CUL1: variants seen among roughly 807,000 people sequenced by gnomAD.
CUL1 encodes the protein cullin-1.
A neutral mutation model predicts 118.0 loss-of-function variants in CUL1; 24 were observed. The ratio of observed to expected loss-of-function variants is 0.20; its 90% CI spans 0.15 to 0.29. CUL1 has a LOEUF of 0.29. Among genes scored for constraint, CUL1 ranks in the 10% least tolerant of loss-of-function variants. The pLI, the probability that CUL1 is intolerant of heterozygous loss-of-function variation, is 1.00. For synonymous variants in CUL1, 332 were observed against 340.4 expected (o/e 0.98, Z 0.27); for missense variants, 361 against 933.8 (o/e 0.39, Z 7.99).
At chr7:148,745,150 A>G (rs1157668479) in intron 2 of CUL1, among the ~76,000 whole-genome samples, 2 of 152,018 alleles carry the variant, frequency 1.3e-5, no homozygotes, top group East Asian at 3.8e-4. Context: ...CCATCCAATG[A>G]GTAATTTATT....
chr7:148,721,902 CA>C (rs1563150032), intron 1 of CUL1, among the ~76,000 whole-genome samples: 1 of 152,114 alleles, frequency 6.6e-6, no homozygotes, highest in African/African-American at 2.4e-5. Flanking sequence ...AACAGTGCAG[CA>C]AATGCATGTG....
At chr7:148,769,449 A>ACACACACACAC (rs1554471386) in intron 9 of CUL1, among the ~76,000 whole-genome samples, 5 of 132,546 alleles carry the variant, frequency 3.8e-5, no homozygotes, top group South Asian at 2.4e-4. Context: ...ACACACACAC[A>ACACACACACAC]AAACGCTCAC....
intron 2 of CUL1, among the ~76,000 whole-genome samples, chr7:148,731,130 A>C (rs1240077414): frequency 1.3e-5 from 2 of 152,216 alleles, no homozygotes; most frequent in Non-Finnish European, 2.9e-5. Context: ...CACAAAGGTG[A>C]TGAGGGTGGA....
intron 16 of CUL1, 112 bp downstream of exon 16, chr7:148,790,553 G>A: frequency 1.1e-6 from 1 of 906,486 alleles, no homozygotes; most frequent in Admixed American, 2.6e-5. Context: ...AGCTTCTGGT[G>A]AAATAGTGGC....
intron 2 of CUL1, among the ~76,000 whole-genome samples, chr7:148,740,978 T>C (rs896419209): frequency 6.6e-6 from 1 of 152,238 alleles, no homozygotes; most frequent in Non-Finnish European, 1.5e-5. Context: ...GTCTGGTATT[T>C]TGTTATGGCA....
At chr7:148,797,779 C>A (rs569974285) in intron 17 of CUL1, 33 bp from the exon 18 acceptor site, 7 of 1,583,910 alleles carry the variant, frequency 4.4e-6, no homozygotes, top group Non-Finnish European at 6.1e-6. Context: ...ATGCATTTTC[C>A]CTTTAACTTC....
chr7:148,714,048 G>T (rs1205871608), intron 1 of CUL1, among the ~76,000 whole-genome samples: 1 of 152,122 alleles, frequency 6.6e-6, no homozygotes, highest in African/African-American at 2.4e-5. Context: ...ATAATTAGAA[G>T]GACAAAGATT....
chr7:148,771,597 C>T (rs1800214435), intron 9 of CUL1, among the ~76,000 whole-genome samples: 1 of 152,156 alleles, frequency 6.6e-6, no homozygotes. Flanking sequence ...CTTCAGAGAG[C>T]CTCGTGATCA....
chr7:148,751,850 C>CA (rs1460522000), intron 2 of CUL1, among the ~76,000 whole-genome samples: 1 of 152,150 alleles, frequency 6.6e-6, no homozygotes, highest in Non-Finnish European at 1.5e-5. Flanking sequence ...CGCGGTGGCT[C>CA]ACGCCTGTAA....
chr7:148,772,732 C>G (rs1800256702), intron 9 of CUL1, among the ~76,000 whole-genome samples: 1 of 152,206 alleles, frequency 6.6e-6, no homozygotes, highest in Non-Finnish European at 1.5e-5. Flanking sequence ...CTTCTCCATT[C>G]CTTAGCACAG....
intron 2 of CUL1, among the ~76,000 whole-genome samples, chr7:148,748,737 G>T (rs1008483055): frequency 2.2e-4 from 33 of 152,234 alleles, no homozygotes; most frequent in African/African-American, 7.9e-4. Context: ...TTCTGGCCCA[G>T]CAGAAATTAT....
At chr7:148,742,654 G>A (rs925984796) in intron 2 of CUL1, among the ~76,000 whole-genome samples, 4 of 135,252 alleles carry the variant, frequency 3.0e-5, no homozygotes, top group Non-Finnish European at 4.6e-5. Context: ...CCAGGCTGGA[G>A]TGCAGTGCAT....
chr7:148,751,166 C>CT (rs1799478625), intron 2 of CUL1, among the ~76,000 whole-genome samples: 1 of 152,064 alleles, frequency 6.6e-6, no homozygotes, highest in Non-Finnish European at 1.5e-5. Flanking sequence ...AAACCCACCA[C>CT]TTTGGGAGGC....
At chr7:148,745,577 G>A (rs1314968333) in intron 2 of CUL1, among the ~76,000 whole-genome samples, 1 of 152,172 alleles carries the variant, frequency 6.6e-6, no homozygotes, top group Non-Finnish European at 1.5e-5. Flanking sequence ...TGGAATCATG[G>A]TTTAAGTAAC....
At position 148,754,076 on chromosome 7, in the gene CUL1, G is replaced by A; in HGVS notation, c.241G>A (p.Ala81Thr). Reference sequence around the variant, plus strand: ...GAAAAAGGGGCAGACACCTGGAGGAGCTCAGTTTGTTGGCCTGGAATTATA... The same window carrying A: ...GAAAAAGGGGCAGACACCTGGAGGAACTCAGTTTGTTGGCCTGGAATTATA... ...KSKKGQTPGGAQFVGLELYKR... is the reference protein window; with the variant it reads ...KSKKGQTPGGTQFVGLELYKR... Residue 81 changes from alanine (A) to threonine (T), a missense_variant, in exon 3 of 22, where the codon GCT becomes ACT. By Grantham distance (58) the Ala-to-Thr change is moderately conservative (BLOSUM62 0). This residue lies in a region of CUL1 where 49 missense variants were observed against 67.4 expected (regional missense o/e 0.73). Coordinates refer to ENST00000325222, the MANE Select transcript of CUL1 (RefSeq NM_003592.3). 2 of 1,613,804 alleles carry A rather than the reference G, an allele frequency of 1.2e-6. No homozygotes were observed. Among genetic ancestry groups the A allele is most frequent in the Non-Finnish European group, 1.7e-6 (2 of 1,179,848 alleles).
Position 148,801,093 on chromosome 7 carries a change from A to C in CUL1, c.*511A>C, listed in dbSNP as rs1369674993. ...ATTTCTATATGTAAATAAAAGATATAATGATTGTGCAAATTTATATTCCTA... is the reference window on the plus strand; with the variant it reads ...ATTTCTATATGTAAATAAAAGATATCATGATTGTGCAAATTTATATTCCTA... On this transcript the variant is annotated 3_prime_UTR_variant, in exon 22 of 22. Coordinates refer to ENST00000325222, the MANE Select transcript of CUL1 (RefSeq NM_003592.3). 1 of 152,714 alleles carries C rather than the reference A, an allele frequency of 6.5e-6. No homozygotes were observed. Among genetic ancestry groups the C allele is most frequent in the African/African-American group, 2.4e-5 (1 of 41,448 alleles). 9.5% of individuals were successfully genotyped at this position (152,714 alleles called of 1,614,324 possible).
intron 2 of CUL1, among the ~76,000 whole-genome samples, chr7:148,744,722 C>T (rs1276969479): frequency 2.0e-5 from 3 of 152,172 alleles, no homozygotes; most frequent in African/African-American, 7.2e-5. Flanking sequence ...GCTCTTCATT[C>T]CTTCCTAAAG....
intron 2 of CUL1, among the ~76,000 whole-genome samples, chr7:148,735,664 A>C (rs1373805498): frequency 6.6e-6 from 1 of 152,178 alleles, no homozygotes; most frequent in Non-Finnish European, 1.5e-5. Flanking sequence ...GTCTTACATT[A>C]ATCTGATTCT....
At chr7:148,743,534 A>G (rs1015583197) in intron 2 of CUL1, among the ~76,000 whole-genome samples, 4 of 152,204 alleles carry the variant, frequency 2.6e-5, no homozygotes, top group Admixed American at 6.5e-5. Context: ...CCTATGGTCT[A>G]GTTGCTGAGA....
Sources: allele counts gnomAD v4.1 joint callset (sites outside exome capture counted in the v4.1 genomes callset), GRCh38; gene constraint gnomAD v4.1.1; regional missense constraint gnomAD v4.1.1; transcripts MANE v1.5; gene names NCBI Gene and HGNC (gene_info 2026-07-23, HGNC 2026-07-21).